LIMS1: variants seen among roughly 807,000 people sequenced by gnomAD.
LIMS1 encodes the protein LIM zinc finger domain containing 1.
LIMS1 carries 18 observed loss-of-function variants against 44.1 expected under a neutral mutation model. That is an observed-to-expected ratio of 0.41 (90% CI 0.28 to 0.61). The LOEUF is 0.61. Ranked by LOEUF, LIMS1 falls within the 20% of genes least tolerant of loss-of-function variation. The pLI is 0.32. For missense variants in LIMS1, 201 were observed against 422.0 expected, an observed-to-expected ratio of 0.48 and a Z score of 4.59; for synonymous variants, 93 against 149.1, an observed-to-expected ratio of 0.62 and a Z score of 2.74.
chr2:108,551,002 A>T (rs1684671161), intron 1 of LIMS1, among the ~76,000 whole-genome samples: 1 of 151,624 alleles, frequency 6.6e-6, no homozygotes, highest in Non-Finnish European at 1.5e-5. Flanking sequence ...GGTGGCACAC[A>T]CTTGTAGTCC....
chr2:108,592,505 A>G (rs1490156746), intron 1 of LIMS1, among the ~76,000 whole-genome samples: 1 of 152,136 alleles, frequency 6.6e-6, no homozygotes, highest in Non-Finnish European at 1.5e-5. Context: ...AGATTCCCTT[A>G]TAGGGCTTTA....
intron 1 of LIMS1, among the ~76,000 whole-genome samples, chr2:108,621,095 G>A (rs994316589): frequency 6.6e-6 from 1 of 152,184 alleles, no homozygotes; most frequent in Non-Finnish European, 1.5e-5. Flanking sequence ...AAACAAGTAA[G>A]TAACCTGCCT....
intron 1 of LIMS1, among the ~76,000 whole-genome samples, chr2:108,591,301 C>T (rs1686377629): frequency 6.6e-6 from 1 of 152,134 alleles, no homozygotes; most frequent in Admixed American, 6.6e-5. Context: ...GATGTGTGAA[C>T]ATCCTGTAGC....
Position 108,538,332 on chromosome 2 carries a change from T to C in LIMS1, c.32+3738T>C, listed in dbSNP as rs560744296. ...CTTACTGCAGGAATGAGTAAGGGAG[T>C]CATTTTCCTGCATCTTTTTTCACGT... is the stretch of plus-strand genomic sequence containing the variant. On this transcript the variant is annotated intron_variant, in intron 1 of 9. Coordinates refer to ENST00000544547, the Ensembl canonical transcript of LIMS1. Among the ~76,000 whole-genome samples, 5 of 152,208 alleles carry C rather than the reference T, an allele frequency of 3.3e-5. No homozygotes were observed. In the East Asian group the frequency reaches 9.7e-4, roughly 29 times the overall value.
At chr2:108,559,117 T>G (rs888583841) in intron 1 of LIMS1, among the ~76,000 whole-genome samples, 19 of 152,162 alleles carry the variant, frequency 1.2e-4, no homozygotes, top group Non-Finnish European at 4.4e-5. Context: ...TCCACGAAAT[T>G]ATTCTGTATG....
At chr2:108,576,993 C>T (rs1213143283) in intron 1 of LIMS1, among the ~76,000 whole-genome samples, 2 of 152,138 alleles carry the variant, frequency 1.3e-5, no homozygotes, top group Non-Finnish European at 2.9e-5. Context: ...TTTCCTTATA[C>T]CATTGTTTGA....
At chr2:108,559,828 T>C (rs1417095143) in intron 1 of LIMS1, among the ~76,000 whole-genome samples, 1 of 152,196 alleles carries the variant, frequency 6.6e-6, no homozygotes, top group Non-Finnish European at 1.5e-5. Context: ...ATAAACTGGT[T>C]TGACACTAAA....
intron 1 of LIMS1, among the ~76,000 whole-genome samples, chr2:108,612,241 C>T (rs535367564): frequency 1.3e-5 from 2 of 151,864 alleles, no homozygotes; most frequent in South Asian, 2.1e-4. Context: ...TTGCATGAAG[C>T]AGTAGGAGCA....
At position 108,677,865 on chromosome 2, in the gene LIMS1, A is replaced by G. The variant is rs1279846362; in HGVS notation, c.775-114A>G. 4.0e-6 allele frequency: 6 copies of G among 1,499,466 alleles called. No individual in the cohort carries two copies. The East Asian group carries it at 6.9e-5, about 17-fold the overall frequency. 92.9% of individuals were successfully genotyped at this position (1,499,466 alleles called of 1,614,324 possible). Reference sequence around the variant, plus strand: ...AAAAACTTGTCAAAGAACTTTTACTAAATTTCTCTAGTAGTGATAAATCCT... The same window carrying G: ...AAAAACTTGTCAAAGAACTTTTACTGAATTTCTCTAGTAGTGATAAATCCT... On this transcript the variant is annotated intron_variant, in intron 7 of 9. Transcript: ENST00000544547.
Position 108,627,144 on chromosome 2 carries a change from G to A in LIMS1, c.33-32461G>A, listed in dbSNP as rs1048855899. 1.5e-4 allele frequency among the ~76,000 whole-genome samples: 23 copies of A among 152,252 alleles called. 1 individual carries two copies. The highest frequency in any genetic ancestry group is 6.5e-4 in the Admixed American group (10 of 15,298). On this transcript the variant is annotated intron_variant, in intron 1 of 9. Transcript: ENST00000544547. ...GCCTTGGAGCAACAGGCTATACCAC[G>A]TAGCCTAGGCATGTAATAGGCTGTA...
intron 1 of LIMS1, among the ~76,000 whole-genome samples, chr2:108,541,621 C>T (rs1684319643): frequency 6.6e-6 from 1 of 152,202 alleles, no homozygotes; most frequent in South Asian, 2.1e-4. Flanking sequence ...TGTGATCTGG[C>T]CCAACCCATC....
intron 1 of LIMS1, among the ~76,000 whole-genome samples, chr2:108,608,251 A>C (rs933721477): frequency 6.6e-6 from 1 of 150,714 alleles, no homozygotes; most frequent in Non-Finnish European, 1.5e-5. Context: ...TCTTTCCTTT[A>C]GGTTTTCCTT....
chr2:108,606,004 T>C lies in LIMS1; in HGVS notation c.33-53601T>C, dbSNP rs79766164. 4.4e-3 allele frequency among the ~76,000 whole-genome samples: 668 copies of C among 152,288 alleles called. 4 individuals carry two copies. The highest frequency in any genetic ancestry group is 0.014 in the South Asian group (66 of 4,824). On this transcript the variant is annotated intron_variant, in intron 1 of 9. Transcript: ENST00000544547. Reference sequence around the variant, plus strand: ...GCCTGGGGGCCAGGCAGCGTGGCCCTCGGGCCCAAGTACCAGGTTCCTGCT... The same window carrying C: ...GCCTGGGGGCCAGGCAGCGTGGCCCCCGGGCCCAAGTACCAGGTTCCTGCT...
chr2:108,616,197 CTTTTTTTTTTTTT>C (rs1159229290), intron 1 of LIMS1, among the ~76,000 whole-genome samples: 4 of 71,950 alleles, frequency 5.6e-5, no homozygotes, highest in African/African-American at 1.7e-4. Context: ...TTTGCATGGG[CTTTTTTTTTTTTT>C]TTTTTTTTTT....
intron 1 of LIMS1, among the ~76,000 whole-genome samples, chr2:108,650,062 G>C (rs752160347): frequency 6.6e-6 from 1 of 152,178 alleles, no homozygotes; most frequent in African/African-American, 2.4e-5. Context: ...AAGCCACCTA[G>C]CAGACCTGCT....
chr2:108,579,408 A>G (rs771109760), intron 1 of LIMS1, among the ~76,000 whole-genome samples: 7 of 152,204 alleles, frequency 4.6e-5, no homozygotes, highest in African/African-American at 1.4e-4. Flanking sequence ...GTCTGTATCT[A>G]TGGTTTTCAG....
intron 1 of LIMS1, among the ~76,000 whole-genome samples, chr2:108,552,307 A>G (rs1434723817): frequency 6.3e-5 from 9 of 142,708 alleles, no homozygotes; most frequent in Non-Finnish European, 9.1e-5. Context: ...TACGTGTAGT[A>G]TATATATGAA....
At chr2:108,662,559 A>G (rs1691454450) in intron 2 of LIMS1, 1 of 1,221,262 alleles carries the variant, frequency 8.2e-7, no homozygotes, top group Non-Finnish European at 1.1e-6. Flanking sequence ...ATTGTTTATC[A>G]TTAAAACCAG....
chr2:108,685,648 A>G (rs1693260582), exon 10 of LIMS1: 1 of 152,192 alleles, frequency 6.6e-6, no homozygotes, highest in African/African-American at 2.4e-5. Flanking sequence ...ATCGAGAATA[A>G]TCATCACATA....
Sources: allele counts gnomAD v4.1 joint callset (sites outside exome capture counted in the v4.1 genomes callset), GRCh38; gene constraint gnomAD v4.1.1; transcripts MANE v1.5; gene names NCBI Gene and HGNC (gene_info 2026-07-23, HGNC 2026-07-21).